The following PKHD1 variants were observed in gnomAD, a reference collection of about 807,000 sequenced individuals.
PKHD1 encodes PKHD1 ciliary IPT domain containing fibrocystin/polyductin.
A neutral mutation model predicts 412.0 loss-of-function variants in PKHD1; 291 were observed. The observed-to-expected ratio is 0.71, with a 90% CI of 0.64 to 0.78. The LOEUF is 0.78. PKHD1 is among the 30% of genes least tolerant of loss of function. PKHD1 has a pLI of 0.00. For missense variants in PKHD1, 4,825 were observed against 4,950.7 expected (o/e 0.97, Z 0.76); for synonymous variants, 1,777 against 1,821.5 (o/e 0.98, Z 0.62).
intron 40 of PKHD1, among the ~76,000 whole-genome samples, chr6:51,908,840 T>C (rs957695871): frequency 1.3e-5 from 2 of 152,084 alleles, no homozygotes; most frequent in African/African-American, 4.8e-5. Context: ...CAACTTTACA[T>C]AGAAGTGCCT....
intron 55 of PKHD1, among the ~76,000 whole-genome samples, chr6:51,769,976 A>G (rs903622698): frequency 2.6e-5 from 4 of 151,186 alleles, no homozygotes; most frequent in African/African-American, 9.7e-5. Context: ...TTTAATCTCC[A>G]TGTTTATTAT....
chr6:51,822,366 G>A (rs1766586226), intron 52 of PKHD1, among the ~76,000 whole-genome samples: 2 of 152,088 alleles, frequency 1.3e-5, no homozygotes, highest in African/African-American at 4.8e-5. Flanking sequence ...TGTCCTCCTT[G>A]GAAAATTTAC....
chr6:52,055,930 G>A (rs1045845743), intron 18 of PKHD1, among the ~76,000 whole-genome samples: 2 of 152,148 alleles, frequency 1.3e-5, no homozygotes, highest in African/African-American at 2.4e-5. Flanking sequence ...AGCATCCTTG[G>A]TTTCTAACTC....
At chr6:51,664,006 T>C (rs1773292603) in intron 60 of PKHD1, among the ~76,000 whole-genome samples, 2 of 152,220 alleles carry the variant, frequency 1.3e-5, no homozygotes, top group South Asian at 2.1e-4. Flanking sequence ...TTTTCTTTCA[T>C]ACCTCCATTC....
intron 1 of PKHD1, among the ~76,000 whole-genome samples, chr6:52,086,716 C>T (rs1242881355): frequency 6.6e-6 from 1 of 152,222 alleles, no homozygotes; most frequent in Non-Finnish European, 1.5e-5. Flanking sequence ...AGTGTGGAGG[C>T]TACTTGGATT....
chr6:52,030,612 T>C (rs1295942601), intron 29 of PKHD1, among the ~76,000 whole-genome samples: 1 of 150,916 alleles, frequency 6.6e-6, no homozygotes, highest in Admixed American at 6.6e-5. Context: ...TCTCCCAGCA[T>C]GAGACCTTCC....
intron 60 of PKHD1, among the ~76,000 whole-genome samples, chr6:51,704,654 G>A (rs73738162): frequency 0.017 from 2,656 of 152,152 alleles, 89 homozygotes; most frequent in African/African-American, 0.06. Flanking sequence ...GTGCAGTCAA[G>A]GGTGACTACT....
In PKHD1 at chr6:51,849,650, G is replaced by A. The variant is rs948409552; in HGVS notation, c.7912-1680C>T. Reference sequence around the variant, plus strand: ...GTGCATTTCTCTGATGATCAATGATGTTGAGCTTTTTTTCATGTTTGTTGG... The same window carrying A: ...GTGCATTTCTCTGATGATCAATGATATTGAGCTTTTTTTCATGTTTGTTGG... On this transcript the variant is annotated intron_variant, in intron 49 of 66. Coordinates refer to ENST00000371117, the MANE Select transcript of PKHD1 (RefSeq NM_138694.4). 2.6e-5 allele frequency among the ~76,000 whole-genome samples: 4 copies of A among 152,300 alleles called. 1 individual carries two copies. Among genetic ancestry groups the A allele is most frequent in the South Asian group, 4.1e-4 (2 of 4,822 alleles).
intron 65 of PKHD1, among the ~76,000 whole-genome samples, chr6:51,627,601 C>A (rs1240483906): frequency 3.3e-5 from 5 of 151,814 alleles, no homozygotes; most frequent in Admixed American, 6.6e-5. Context: ...TTTTTTTAAC[C>A]TTTAATTTTG....
intron 60 of PKHD1, among the ~76,000 whole-genome samples, chr6:51,733,767 A>T (rs1216755729): frequency 6.6e-6 from 1 of 152,156 alleles, no homozygotes; most frequent in Non-Finnish European, 1.5e-5. Context: ...CTTATATGAA[A>T]CCTGGAAAGA....
intron 35 of PKHD1, chr6:51,975,702 G>T (rs1374290598): frequency 6.6e-6 from 1 of 151,322 alleles, no homozygotes; most frequent in Non-Finnish European, 1.5e-5. Flanking sequence ...CAGGAGGCTG[G>T]GGCAGGAGGA....
At position 51,748,147 on chromosome 6, in the gene PKHD1, C is replaced by T; in HGVS notation, c.9469G>A (p.Ala3157Thr). The change falls in exon 58 of 67, where the codon GCC becomes ACC. Residue 3157 changes from alanine to threonine, a missense_variant. Transcript: ENST00000371117. ...ACGCTGTTCTCTACATGTAACATGG[C>T]ACCATAGTCAAAGTTCTTGAAAGCC... ...FLAFKNFDYG[A>T]MLHVENSVEI... 6.2e-7 allele frequency: 1 copy of T among 1,614,080 alleles called. No homozygotes were observed. The highest frequency in any genetic ancestry group is 8.5e-7 in the Non-Finnish European group (1 of 1,179,972).
At chr6:51,663,475 T>C (rs990174912) in intron 60 of PKHD1, among the ~76,000 whole-genome samples, 2 of 152,176 alleles carry the variant, frequency 1.3e-5, no homozygotes, top group Admixed American at 1.3e-4. Flanking sequence ...TGTAATTTGA[T>C]AAATCACATG....
chr6:51,748,152 T>C lies in PKHD1; in HGVS notation c.9464A>G (p.Tyr3155Cys), dbSNP rs957419550. The C allele has an allele frequency of 6.2e-6, 10 of 1,613,978 alleles. No homozygotes were observed. Among genetic ancestry groups the C allele is most frequent in the East Asian group, 4.5e-5 (2 of 44,896 alleles). Reference protein sequence around the residue: ...SGFLAFKNFDYGAMLHVENSV... With the variant: ...SGFLAFKNFDCGAMLHVENSV... ...GTTCTCTACATGTAACATGGCACCATAGTCAAAGTTCTTGAAAGCCAAGAA... is the reference window on the plus strand; with the variant it reads ...GTTCTCTACATGTAACATGGCACCACAGTCAAAGTTCTTGAAAGCCAAGAA... Residue 3155 changes from tyrosine (Y) to cysteine (C), a missense_variant, in exon 58 of 67, where the codon TAT becomes TGT. Tyr to Cys is a radical substitution (Grantham distance 194). Coordinates refer to ENST00000371117, the MANE Select transcript of PKHD1 (RefSeq NM_138694.4).
intron 60 of PKHD1, among the ~76,000 whole-genome samples, chr6:51,668,963 G>A (rs1774376186): frequency 6.6e-6 from 1 of 152,206 alleles, no homozygotes; most frequent in Non-Finnish European, 1.5e-5. Flanking sequence ...TTTTATTGAG[G>A]ATTTTTGCAT....
chr6:51,725,881 C>T (rs1400667150), intron 60 of PKHD1, among the ~76,000 whole-genome samples: 1 of 152,136 alleles, frequency 6.6e-6, no homozygotes, highest in Non-Finnish European at 1.5e-5. Context: ...TAATTCATTG[C>T]CCTTCTAGTC....
In PKHD1 at chr6:52,046,161, T is replaced by A. The variant is rs768295891; in HGVS notation, c.2435A>T (p.His812Leu). The stretch of plus-strand genomic sequence containing the variant: ...ATTATTCTGTAAGAGCTGGTGAAGG[T>A]GATGAGCAGAAATTTGTACAGGGAC... ...SDVPVQISAHHLHQLLQNNAD... is the reference protein window; with the variant it reads ...SDVPVQISAHLLHQLLQNNAD... The change falls in exon 24 of 67, where the codon CAC becomes CTC. Residue 812 changes from histidine to leucine, a missense_variant. Physicochemically the swap from His to Leu is moderately conservative, Grantham distance 99. Transcript: ENST00000371117. The A allele has an allele frequency of 3.7e-6, 6 of 1,613,502 alleles. No homozygotes were observed. The highest frequency in any genetic ancestry group is 2.2e-5 in the East Asian group (1 of 44,880).
chr6:52,048,415 C>A, intron 23 of PKHD1, 77 bp downstream of exon 23: 2 of 1,401,576 alleles, frequency 1.4e-6, no homozygotes, highest in South Asian at 1.1e-5. Context: ...CTGACAACCT[C>A]CCAGGATGTT....
intron 63 of PKHD1, 76 bp from the exon 64 acceptor site, chr6:51,639,032 G>A: frequency 1.8e-6 from 2 of 1,081,948 alleles, no homozygotes; most frequent in South Asian, 1.2e-5. Flanking sequence ...TTCTGCGAAG[G>A]CAGACATTTG....
Sources: gnomAD v4.1 joint callset for allele counts (sites outside exome capture counted in the v4.1 genomes callset) on GRCh38, gnomAD v4.1.1 for gene constraint, MANE v1.5 for transcripts, NCBI Gene and HGNC (gene_info 2026-07-23, HGNC 2026-07-21) for gene names.